VEPH1: variants seen among roughly 807,000 people sequenced by gnomAD.
VEPH1 encodes ventricular zone-expressed PH domain-containing protein homolog 1.
VEPH1 carries 80 observed loss-of-function variants against 85.2 expected under a neutral mutation model. That is an observed-to-expected ratio of 0.94 (90% CI 0.78 to 1.13). VEPH1 has a LOEUF of 1.13. VEPH1 is among the 50% of genes most tolerant of loss of function. VEPH1 has a pLI of 0.00. For synonymous variants in VEPH1, 297 were observed against 348.0 expected, an observed-to-expected ratio of 0.85 and a Z score of 1.63; for missense variants, 955 against 980.5, an observed-to-expected ratio of 0.97 and a Z score of 0.35.
chr3:157,396,861 T>A (rs1243459153), intron 6 of VEPH1, among the ~76,000 whole-genome samples: 1 of 152,202 alleles, frequency 6.6e-6, no homozygotes, highest in Non-Finnish European at 1.5e-5. Context: ...GTCAGACGGA[T>A]AGATTGCAAA....
At chr3:157,479,831 T>C (rs2109573062) in intron 2 of VEPH1, among the ~76,000 whole-genome samples, 1 of 152,306 alleles carries the variant, frequency 6.6e-6, no homozygotes, top group Non-Finnish European at 1.5e-5. Flanking sequence ...AATGAGTTAA[T>C]ACATGGAAAG....
intron 12 of VEPH1, among the ~76,000 whole-genome samples, chr3:157,284,203 AT>A (rs1178698603): frequency 1.3e-5 from 2 of 152,256 alleles, no homozygotes; most frequent in Non-Finnish European, 2.9e-5. Flanking sequence ...CCATTTAAAA[AT>A]ATTATTCATT....
chr3:157,477,486 T>A (rs1737591591), intron 2 of VEPH1, among the ~76,000 whole-genome samples: 1 of 152,120 alleles, frequency 6.6e-6, no homozygotes, highest in African/African-American at 2.4e-5. Context: ...TGAGGACATT[T>A]TTTGTGGGCC....
chr3:157,280,042 A>G (rs1042356667), intron 12 of VEPH1, among the ~76,000 whole-genome samples: 1 of 150,362 alleles, frequency 6.7e-6, no homozygotes, highest in African/African-American at 2.4e-5. Flanking sequence ...AAGGACCAGT[A>G]TAGTACCAGT....
intron 4 of VEPH1, among the ~76,000 whole-genome samples, chr3:157,453,645 A>T (rs961246447): frequency 6.6e-6 from 1 of 152,232 alleles, no homozygotes; most frequent in Non-Finnish European, 1.5e-5. Context: ...GAGAAAAACT[A>T]TAAGTAATGA....
intron 4 of VEPH1, among the ~76,000 whole-genome samples, chr3:157,457,374 C>T (rs941372534): frequency 6.6e-6 from 1 of 152,000 alleles, no homozygotes; most frequent in Non-Finnish European, 1.5e-5. Flanking sequence ...TGCTATATTT[C>T]TTTCTCTTTC....
chr3:157,311,897 G>T (rs1205807685), intron 11 of VEPH1, among the ~76,000 whole-genome samples: 2 of 152,056 alleles, frequency 1.3e-5, no homozygotes, highest in Non-Finnish European at 2.9e-5. Context: ...GGCAATTGTG[G>T]CATTTCCTTT....
chr3:157,320,173 G>T (rs985862028), intron 9 of VEPH1, among the ~76,000 whole-genome samples: 3 of 152,226 alleles, frequency 2.0e-5, no homozygotes, highest in East Asian at 3.9e-4. Flanking sequence ...CCATGATGAT[G>T]GTCCTGCTCT....
At chr3:157,381,090 ACTGT>A in intron 7 of VEPH1, 62 bp downstream of exon 7, 1 of 1,530,014 alleles carries the variant, frequency 6.5e-7, no homozygotes, top group South Asian at 1.1e-5. Context: ...GAGAGGCTTA[ACTGT>A]CTGCATTCTA....
intron 4 of VEPH1, among the ~76,000 whole-genome samples, chr3:157,454,705 G>C (rs1396319406): frequency 6.6e-6 from 1 of 152,100 alleles, no homozygotes; most frequent in East Asian, 1.9e-4. Context: ...ACCCATCACA[G>C]AGGCAGTGAG....
intron 2 of VEPH1, among the ~76,000 whole-genome samples, chr3:157,485,191 C>T (rs965243655): frequency 2.6e-5 from 4 of 152,054 alleles, no homozygotes; most frequent in African/African-American, 4.8e-5. Context: ...GTTTCAGTGC[C>T]ACATTATAGT....
intron 2 of VEPH1, among the ~76,000 whole-genome samples, chr3:157,483,671 T>C (rs1410635908): frequency 1.3e-5 from 2 of 152,072 alleles, no homozygotes; most frequent in South Asian, 2.1e-4. Flanking sequence ...GATTGGAAGA[T>C]AGAGCTGAGA....
intron 9 of VEPH1, among the ~76,000 whole-genome samples, chr3:157,360,522 C>T (rs576066276): frequency 1.8e-4 from 28 of 152,114 alleles, no homozygotes; most frequent in African/African-American, 6.5e-4. Context: ...TGTCAAACTA[C>T]GGATGCTTTT....
In VEPH1 at chr3:157,332,142, GTTTA is replaced by G. The variant is rs537436139; in HGVS notation, c.1736-14945_1736-14942del. On this transcript the variant is annotated intron_variant, in intron 9 of 13. Coordinates refer to ENST00000362010, the MANE Select transcript of VEPH1 (RefSeq NM_001167912.2). ...TTCCATAATTACACTAATTGTATGT[GTTTA>G]TTTGTGGAGGATATGCTGCATATTA... Among the ~76,000 whole-genome samples, 52 of 152,258 alleles carry G rather than the reference GTTTA, an allele frequency of 3.4e-4. 1 individual carries two copies. In the South Asian group the frequency reaches 0.01, roughly 30 times the overall value.
intron 9 of VEPH1, among the ~76,000 whole-genome samples, chr3:157,338,710 C>T (rs189561482): frequency 1.3e-5 from 2 of 152,238 alleles, no homozygotes; most frequent in Admixed American, 1.3e-4. Flanking sequence ...TTAACTTTTC[C>T]TAATAAGGGC....
At chr3:157,318,513 A>C in intron 9 of VEPH1, among the ~76,000 whole-genome samples, 1 of 152,026 alleles carries the variant, frequency 6.6e-6, no homozygotes, top group Non-Finnish European at 1.5e-5. Context: ...GGGGCAGAGC[A>C]GGAGGTGGGC....
At chr3:157,420,250 T>C (rs1194461629) in intron 5 of VEPH1, among the ~76,000 whole-genome samples, 1 of 152,034 alleles carries the variant, frequency 6.6e-6, no homozygotes, top group Non-Finnish European at 1.5e-5. Flanking sequence ...AGGTGATGGG[T>C]TGATCTGTGT....
At chr3:157,369,192 A>ACAAAAAAAAAAAAAAAAAAC (rs1553773116) in intron 7 of VEPH1, among the ~76,000 whole-genome samples, 1 of 142,702 alleles carries the variant, frequency 7.0e-6, no homozygotes, top group East Asian at 2.1e-4. Context: ...AAAAAAAAAA[A>ACAAAAAAAAAAAAAAAAAAC]AAAAAAAAAA....
chr3:157,352,623 A>G (rs1168938276), intron 9 of VEPH1, among the ~76,000 whole-genome samples: 1 of 152,238 alleles, frequency 6.6e-6, no homozygotes, highest in East Asian at 1.9e-4. Flanking sequence ...ATTAATATGA[A>G]AGAAAAGTTT....
Sources: allele counts gnomAD v4.1 joint callset (sites outside exome capture counted in the v4.1 genomes callset), GRCh38; gene constraint gnomAD v4.1.1; transcripts MANE v1.5; gene names NCBI Gene and HGNC (gene_info 2026-07-23, HGNC 2026-07-21).